RAB11FIP4: variants seen among roughly 807,000 people sequenced by gnomAD.
The protein encoded by RAB11FIP4 is RAB11 family interacting protein 4, also known as rab11 family-interacting protein 4.
Under a neutral mutation model 74.3 loss-of-function variants are expected in RAB11FIP4, and 23 were observed. The observed-to-expected ratio is 0.31, with a 90% confidence interval of 0.22 to 0.44. The LOEUF (loss-of-function observed/expected upper bound fraction) is 0.44. RAB11FIP4 is among the 20% of genes least tolerant of loss of function. RAB11FIP4 has a pLI of 1.00. For missense variants in RAB11FIP4, 630 were observed against 863.9 expected, an observed-to-expected ratio of 0.73 and a Z score of 3.39; for synonymous variants, 360 against 359.9, an observed-to-expected ratio of 1.00 and a Z score of 0.00.
At chr17:31,401,329 C>A (rs1234952132) in intron 1 of RAB11FIP4, among the ~76,000 whole-genome samples, 2 of 152,066 alleles carry the variant, frequency 1.3e-5, no homozygotes. Context: ...CTTGGAGACT[C>A]CCCCAGGGGC....
At chr17:31,488,461 G>A in intron 3 of RAB11FIP4, 3 of 584,074 alleles carry the variant, frequency 5.1e-6, no homozygotes, top group Non-Finnish European at 6.7e-6. Flanking sequence ...CTTCCCCAGC[G>A]CAGTTCCAGG....
intron 3 of RAB11FIP4, among the ~76,000 whole-genome samples, chr17:31,508,418 A>G (rs2072393299): frequency 6.6e-6 from 1 of 152,242 alleles, no homozygotes; most frequent in South Asian, 2.1e-4. Context: ...ATGCACTCAC[A>G]TGAGCTTGGG....
intron 3 of RAB11FIP4, among the ~76,000 whole-genome samples, chr17:31,511,265 C>T (rs760913418): frequency 2.6e-5 from 4 of 152,162 alleles, no homozygotes; most frequent in Non-Finnish European, 4.4e-5. Flanking sequence ...CGCCACCCCG[C>T]GCCTCCTTTT....
intron 1 of RAB11FIP4, among the ~76,000 whole-genome samples, chr17:31,420,086 A>G (rs1053771993): frequency 6.6e-6 from 1 of 152,184 alleles, no homozygotes; most frequent in Non-Finnish European, 1.5e-5. Flanking sequence ...CAGATTATCT[A>G]TTTCTTCTTG....
chr17:31,505,602 A>AATTATATAATAT (rs2072323505), intron 3 of RAB11FIP4, among the ~76,000 whole-genome samples: 2 of 54,030 alleles, frequency 3.7e-5, no homozygotes, highest in African/African-American at 1.6e-4. Context: ...TATATTATAT[A>AATTATATAATAT]ATAATAATTA....
chr17:31,450,553 C>T (rs2071516815), intron 3 of RAB11FIP4, among the ~76,000 whole-genome samples: 1 of 151,850 alleles, frequency 6.6e-6, no homozygotes, highest in Admixed American at 6.6e-5. Context: ...CCATGTTGCC[C>T]AGGCTGGTCT....
intron 1 of RAB11FIP4, among the ~76,000 whole-genome samples, chr17:31,419,106 A>G (rs972117755): frequency 6.6e-6 from 1 of 152,176 alleles, no homozygotes; most frequent in African/African-American, 2.4e-5. Context: ...ACACTTGCTT[A>G]TCCATTCACT....
At chr17:31,520,934 T>C (rs2072652483) in intron 4 of RAB11FIP4, 1 of 322,170 alleles carries the variant, frequency 3.1e-6, no homozygotes, top group African/African-American at 2.1e-5. Flanking sequence ...TTGTAAGCAG[T>C]GTTTTGCTAC....
intron 3 of RAB11FIP4, among the ~76,000 whole-genome samples, chr17:31,496,403 C>T (rs956268421): frequency 2.0e-5 from 3 of 152,146 alleles, no homozygotes; most frequent in East Asian, 1.9e-4. Context: ...AGGTCTGCCC[C>T]GTTCCATCTG....
intron 1 of RAB11FIP4, among the ~76,000 whole-genome samples, chr17:31,394,937 G>A (rs1219454872): frequency 2.1e-5 from 3 of 142,080 alleles, no homozygotes; most frequent in African/African-American, 2.6e-5. Context: ...GTGGCGGGGG[G>A]CGGGGGGGGG....
At chr17:31,404,284 G>A (rs34357172) in intron 1 of RAB11FIP4, among the ~76,000 whole-genome samples, 90 of 152,250 alleles carry the variant, frequency 5.9e-4, no homozygotes, top group Middle Eastern at 3.4e-3. Context: ...AGCCCCAGCC[G>A]GCCTTGGCCC....
At chr17:31,470,599 T>A (rs116937085) in intron 3 of RAB11FIP4, among the ~76,000 whole-genome samples, 2 of 152,170 alleles carry the variant, frequency 1.3e-5, no homozygotes, top group African/African-American at 4.8e-5. Context: ...GGGAAGCAGG[T>A]GCTTAACACA....
chr17:31,451,458 CA>C (rs60812825), intron 3 of RAB11FIP4, among the ~76,000 whole-genome samples: 39,621 of 85,950 alleles, frequency 0.46, 6,662 homozygotes, highest in East Asian at 0.54. Context: ...GACTCCATCT[CA>C]AAAAAAAAAA....
chr17:31,479,854 T>A (rs2071829543), intron 3 of RAB11FIP4, among the ~76,000 whole-genome samples: 1 of 152,200 alleles, frequency 6.6e-6, no homozygotes, highest in Non-Finnish European at 1.5e-5. Flanking sequence ...GGTAAGTCAT[T>A]TCTTCTCTCT....
chr17:31,482,631 A>ATGACTT (rs1027585651), intron 3 of RAB11FIP4, among the ~76,000 whole-genome samples: 1 of 152,104 alleles, frequency 6.6e-6, no homozygotes, highest in African/African-American at 2.4e-5. Context: ...AAAATTAGGA[A>ATGACTT]TGACTTTCCT....
intron 2 of RAB11FIP4, among the ~76,000 whole-genome samples, chr17:31,433,701 C>T (rs1298599713): frequency 2.0e-5 from 3 of 152,214 alleles, no homozygotes; most frequent in South Asian, 2.1e-4. Flanking sequence ...CTGGCACAGT[C>T]GTTTGGAGTC....
intron 3 of RAB11FIP4, among the ~76,000 whole-genome samples, chr17:31,452,292 A>G (rs577611300): frequency 9.5e-4 from 144 of 152,208 alleles, no homozygotes; most frequent in African/African-American, 3.3e-3. Context: ...AAGCAGATGG[A>G]TGAATCTCAG....
intron 3 of RAB11FIP4, among the ~76,000 whole-genome samples, chr17:31,436,303 G>A (rs1309454872): frequency 4.6e-5 from 7 of 152,182 alleles, no homozygotes; most frequent in Non-Finnish European, 8.8e-5. Flanking sequence ...GCCGCCTGCT[G>A]CTGTAAGAAA....
At chr17:31,407,936 A>G (rs2071057781) in intron 1 of RAB11FIP4, among the ~76,000 whole-genome samples, 1 of 152,040 alleles carries the variant, frequency 6.6e-6, no homozygotes, top group Non-Finnish European at 1.5e-5. Context: ...AGTAAATTAC[A>G]CTGGTGGTTG....
Sources: allele counts gnomAD v4.1 joint callset (sites outside exome capture counted in the v4.1 genomes callset), GRCh38; gene constraint gnomAD v4.1.1; transcripts MANE v1.5; gene names NCBI Gene and HGNC (gene_info 2026-07-23, HGNC 2026-07-21).